NXF1: variants seen among roughly 807,000 people sequenced by gnomAD.
NXF1 encodes the protein mRNA export factor TAP.
NXF1 carries 43 observed loss-of-function variants against 92.4 expected under a neutral mutation model. The observed-to-expected ratio is 0.47, with a 90% CI of 0.36 to 0.60. The LOEUF is 0.60. Among genes scored for constraint, NXF1 ranks in the 20% least tolerant of loss-of-function variants. NXF1 has a pLI of 0.00. For missense variants in NXF1, 576 were observed against 793.0 expected (o/e 0.73, Z 3.29); for synonymous variants, 288 against 292.2 (o/e 0.99, Z 0.15).
Position 62,794,271 on chromosome 11 carries a change from C to G in NXF1, c.1747G>C (p.Glu583Gln), listed in dbSNP as rs138193807. Reference sequence around the variant, plus strand: ...CCCCGCACTCACTTCTGGGACCACTCGAGGTTCATGCCAGACTGGGTAGAG... The same window carrying G: ...CCCCGCACTCACTTCTGGGACCACTGGAGGTTCATGCCAGACTGGGTAGAG... The part of the protein sequence containing the change: ...AFSTQSGMNL[E>Q]WSQKCLQDNN... Residue 583 changes from glutamate (E) to glutamine (Q), a missense_variant, in exon 19 of 21, where the codon GAG (glutamate) becomes CAG (glutamine). Around this residue, in one of 2 missense-constraint regions of NXF1, gnomAD observed 425 missense variants for 635.2 expected, o/e 0.67. Coordinates refer to ENST00000294172, the MANE Select transcript of NXF1 (RefSeq NM_006362.5). 10 of 1,613,642 alleles carry G rather than the reference C, an allele frequency of 6.2e-6. No individual in the cohort carries two copies. The Admixed American group carries it at 8.3e-5, about 13-fold the overall frequency.
chr11:62,805,247 C>T (rs574442552), intron 1 of NXF1, 82 bp downstream of exon 1: 66 of 1,400,350 alleles, frequency 4.7e-5, no homozygotes, highest in Non-Finnish European at 6.1e-5. Context: ...AGCGGCCTCA[C>T]GCCCCGGGGG....
chr11:62,796,398 T>A, intron 14 of NXF1, 53 bp from the exon 15 acceptor site: 1 of 1,612,828 alleles, frequency 6.2e-7, no homozygotes, highest in South Asian at 1.1e-5. Context: ...TGCCAGCAGG[T>A]GTGCCCTGTA....
intron 11 of NXF1, among the ~76,000 whole-genome samples, chr11:62,797,981 A>C (rs2084438394): frequency 6.6e-6 from 1 of 152,044 alleles, no homozygotes; most frequent in African/African-American, 2.4e-5. Flanking sequence ...ATACACAAAG[A>C]AATTAGCCGG....
intron 10 of NXF1, 110 bp from the exon 11 acceptor site, chr11:62,798,685 A>G (rs551996360): frequency 6.4e-7 from 1 of 1,556,924 alleles, no homozygotes; most frequent in Non-Finnish European, 8.7e-7. Context: ...CATCCTGCTC[A>G]TCCCTCCACT....
intron 19 of NXF1, 33 bp downstream of exon 19, chr11:62,794,225 T>C (rs1342634990): frequency 1.9e-6 from 3 of 1,592,068 alleles, no homozygotes; most frequent in Non-Finnish European, 1.7e-6. Context: ...CCTACTTCAG[T>C]GCATCCCCAT....
intron 11 of NXF1, 84 bp from the exon 12 acceptor site, chr11:62,797,470 C>A: frequency 3.3e-6 from 4 of 1,204,792 alleles, no homozygotes; most frequent in Admixed American, 4.2e-5. Flanking sequence ...GAGGCCGAGG[C>A]AGGCAGATGG....
At position 62,792,527 on chromosome 11, in the gene NXF1, G is replaced by T. The variant is rs113901554; in HGVS notation, c.1822-13C>A. On this transcript the variant is annotated splice_polypyrimidine_tract_variant and intron_variant, in intron 20 of 20. Transcript: ENST00000294172. ...TCTCGCCCTTGGCCTGGAGAAAAAT[G>T]AAGGTCAGTAGAGGTAGGCCTACCC... 624 of 1,614,220 alleles carry T rather than the reference G, an allele frequency of 3.9e-4. 6 individuals carry two copies. The African/African-American group carries it at 7.1e-3, about 18-fold the overall frequency.
intron 11 of NXF1, among the ~76,000 whole-genome samples, chr11:62,797,811 G>T (rs1053285701): frequency 6.6e-6 from 1 of 152,006 alleles, no homozygotes. Flanking sequence ...CAGAAGTCAA[G>T]TGTAAACGCA....
intron 19 of NXF1, 122 bp downstream of exon 19, chr11:62,794,136 G>A: frequency 1.2e-6 from 1 of 850,868 alleles, no homozygotes; most frequent in Admixed American, 2.7e-5. Flanking sequence ...CTATACTCCA[G>A]CCTGGATGAC....
Position 62,801,063 on chromosome 11 carries a change from T to C in NXF1, c.906+31A>G. On this transcript the variant is annotated intron_variant, in intron 9 of 20. Coordinates refer to ENST00000294172, the MANE Select transcript of NXF1 (RefSeq NM_006362.5). ...CTCTCTACACCCTCTACCCACCCCT[T>C]CAAAAATATAGCCGAGCTATCAATT... is the stretch of plus-strand genomic sequence containing the variant. 5 of 1,550,610 alleles carry C rather than the reference T, an allele frequency of 3.2e-6. No homozygotes were observed. In the South Asian group the frequency reaches 5.6e-5, roughly 17 times the overall value.
At chr11:62,798,920 T>C in intron 10 of NXF1, 1 of 1,102,452 alleles carries the variant, frequency 9.1e-7, no homozygotes, top group East Asian at 5.7e-5. Context: ...GGGAATGGGG[T>C]GGGAGCCCAG....
chr11:62,802,292 T>C, intron 3 of NXF1, 32 bp from the exon 4 acceptor site: 1 of 1,574,584 alleles, frequency 6.4e-7, no homozygotes, highest in Non-Finnish European at 8.7e-7. Flanking sequence ...AAGAAGGGAA[T>C]GATAAGTAAG....
Position 62,802,056 on chromosome 11 carries a change from GA to G in NXF1, c.454-11del, listed in dbSNP as rs751907175. On this transcript the variant is annotated splice_polypyrimidine_tract_variant and intron_variant, in intron 4 of 20. Coordinates refer to ENST00000294172, the MANE Select transcript of NXF1 (RefSeq NM_006362.5). ...TATTCTCATAGTGAAACTACAAGAG[GA>G]AACAGGAGCATTACACTGGGAGTCC... The G allele has an allele frequency of 2.5e-6, 4 of 1,613,420 alleles. No homozygotes were observed. In the South Asian group the frequency reaches 4.4e-5, roughly 18 times the overall value.
In NXF1 at chr11:62,794,459, T is replaced by G. The variant is rs201274833; in HGVS notation, c.1578-19A>C. Reference sequence around the variant, plus strand: ...ACATAGCCTTGAGGACAAAGAGCACTTAAAAAGCTAGACAGAGATAACATC... The same window carrying G: ...ACATAGCCTTGAGGACAAAGAGCACGTAAAAAGCTAGACAGAGATAACATC... On this transcript the variant is annotated intron_variant, in intron 18 of 20. Transcript: ENST00000294172. The G allele has an allele frequency of 1.3e-6, 2 of 1,598,276 alleles. No individual in the cohort carries two copies. The highest frequency in any genetic ancestry group is 2.2e-5 in the East Asian group (1 of 44,500).
At position 62,797,233 on chromosome 11, in the gene NXF1, G is replaced by A. The variant is rs1193636154; in HGVS notation, c.1128C>T (p.Ser376=). The A allele has an allele frequency of 6.2e-7, 1 of 1,614,142 alleles. No individual in the cohort carries two copies. The highest frequency in any genetic ancestry group is 1.7e-5 in the Admixed American group (1 of 60,008). ...TCTTCAAGTTTTCTGTTCCAAAATA[G>A]CTTCCCTGAAATCAAACAGGTATTA... is the stretch of plus-strand genomic sequence containing the variant. The part of the protein sequence containing the change: ...APTTLPPCKG[S]YFGTENLKSL... The change falls in exon 13 of 21, where the codon AGC becomes AGT. Residue 376 remains serine (S), a synonymous_variant. Transcript: ENST00000294172.
intron 3 of NXF1, among the ~76,000 whole-genome samples, 195 bp downstream of exon 3, chr11:62,803,224 C>T (rs2084499060): frequency 6.6e-6 from 1 of 152,026 alleles, no homozygotes; most frequent in African/African-American, 2.4e-5. Context: ...GAGACTGAGG[C>T]AGAATAGCTT....
intron 10 of NXF1, chr11:62,799,485 T>C (rs2084456358): frequency 3.0e-6 from 3 of 985,872 alleles, no homozygotes; most frequent in Non-Finnish European, 3.6e-6. Flanking sequence ...GCCCCACCTC[T>C]GTTGCCCCCA....
intron 11 of NXF1, among the ~76,000 whole-genome samples, 160 bp from the exon 12 acceptor site, chr11:62,797,546 A>C (rs2084433898): frequency 6.6e-6 from 1 of 152,012 alleles, no homozygotes; most frequent in Non-Finnish European, 1.5e-5. Flanking sequence ...CTACCAAAAA[A>C]AATACAAAAA....
intron 10 of NXF1, chr11:62,799,397 C>A (rs998125108): frequency 2.0e-6 from 2 of 985,612 alleles, no homozygotes; most frequent in African/African-American, 3.5e-5. Flanking sequence ...GGAAGCAAAG[C>A]AGCCATGGGG....
Sources: gnomAD v4.1 joint callset for allele counts (sites outside exome capture counted in the v4.1 genomes callset) on GRCh38, gnomAD v4.1.1 for gene constraint, gnomAD v4.1.1 regional missense constraint, MANE v1.5 for transcripts, NCBI Gene and HGNC (gene_info 2026-07-23, HGNC 2026-07-21) for gene names.